PTPRD: variants seen among roughly 807,000 people sequenced by gnomAD.
PTPRD encodes receptor-type tyrosine-protein phosphatase delta.
Under a neutral mutation model 214.5 loss-of-function variants are expected in PTPRD, and 34 were observed. The ratio of observed to expected loss-of-function variants is 0.16; its 90% CI spans 0.12 to 0.21. The LOEUF (loss-of-function observed/expected upper bound fraction) is 0.21, where lower values mean the gene tolerates loss of function less well. Ranked by LOEUF, PTPRD falls within the 10% of genes least tolerant of loss-of-function variation. PTPRD has a pLI of 1.00. For missense variants in PTPRD, 2,545 were observed against 2,398.7 expected (o/e 1.06, Z -1.27); for synonymous variants, 1,128 against 845.7 (o/e 1.33, Z -5.79).
At chr9:9,500,855 C>A (rs1031661310) in intron 8 of PTPRD, among the ~76,000 whole-genome samples, 3 of 151,860 alleles carry the variant, frequency 2.0e-5, no homozygotes, top group East Asian at 1.9e-4. Flanking sequence ...TTGATCAAAG[C>A]ACAACGGATG....
chr9:9,839,801 T>C (rs1176284133), intron 5 of PTPRD, among the ~76,000 whole-genome samples: 1 of 152,044 alleles, frequency 6.6e-6, no homozygotes, highest in Non-Finnish European at 1.5e-5. Flanking sequence ...GATTTCAAAC[T>C]TGCTGCATTT....
chr9:10,250,109 G>C (rs1178442555), intron 3 of PTPRD, among the ~76,000 whole-genome samples: 2 of 152,050 alleles, frequency 1.3e-5, no homozygotes, highest in East Asian at 1.9e-4. Flanking sequence ...AAAGTACTTA[G>C]TATGTATTAT....
intron 8 of PTPRD, among the ~76,000 whole-genome samples, chr9:9,463,075 C>T (rs932771092): frequency 2.0e-5 from 3 of 150,828 alleles, no homozygotes; most frequent in African/African-American, 5.0e-5. Flanking sequence ...CACCTAGTTT[C>T]GAAGAGACTA....
chr9:9,354,704 C>G (rs2053011149), intron 9 of PTPRD, among the ~76,000 whole-genome samples: 1 of 151,624 alleles, frequency 6.6e-6, no homozygotes, highest in Non-Finnish European at 1.5e-5. Context: ...GTAAAGGTAT[C>G]AGGGTAAGAA....
intron 3 of PTPRD, among the ~76,000 whole-genome samples, chr9:10,339,935 T>C (rs1443238132): frequency 1.3e-5 from 2 of 151,816 alleles, no homozygotes; most frequent in African/African-American, 4.8e-5. Flanking sequence ...AAATAACACC[T>C]TATTCTTCAT....
chr9:10,418,403 T>G (rs1239404912), intron 2 of PTPRD, among the ~76,000 whole-genome samples: 4 of 150,344 alleles, frequency 2.7e-5, no homozygotes, highest in African/African-American at 9.8e-5. Flanking sequence ...TTCTCTCTAC[T>G]AGTGGGGCCT....
intron 11 of PTPRD, among the ~76,000 whole-genome samples, chr9:8,831,232 C>A (rs1185339617): frequency 2.0e-5 from 3 of 152,184 alleles, no homozygotes; most frequent in Non-Finnish European, 2.9e-5. Context: ...CATTCCTGCA[C>A]TTGTTTCAGA....
chr9:10,153,254 A>G (rs2099072943), intron 3 of PTPRD, among the ~76,000 whole-genome samples: 1 of 152,084 alleles, frequency 6.6e-6, no homozygotes, highest in African/African-American at 2.4e-5. Flanking sequence ...ACATCACAAT[A>G]TCACATTGTA....
chr9:9,503,993 C>G (rs1814178214), intron 8 of PTPRD, among the ~76,000 whole-genome samples: 1 of 151,662 alleles, frequency 6.6e-6, no homozygotes, highest in Non-Finnish European at 1.5e-5. Context: ...ATTATGTAAT[C>G]CTTCTCATTA....
chr9:9,325,609 T>G (rs1969630379), intron 9 of PTPRD, among the ~76,000 whole-genome samples: 1 of 152,154 alleles, frequency 6.6e-6, no homozygotes, highest in Non-Finnish European at 1.5e-5. Flanking sequence ...CAATGGGGTT[T>G]TCTAGATATA....
At chr9:10,304,906 T>G (rs2154410430) in intron 3 of PTPRD, among the ~76,000 whole-genome samples, 1 of 152,266 alleles carries the variant, frequency 6.6e-6, no homozygotes, top group Admixed American at 6.5e-5. Flanking sequence ...GGAAAAAAAC[T>G]ACTTTAAAGT....
intron 11 of PTPRD, among the ~76,000 whole-genome samples, chr9:8,883,003 A>G (rs905039117): frequency 3.9e-5 from 6 of 152,118 alleles, no homozygotes; most frequent in Non-Finnish European, 5.9e-5. Context: ...TTGCACATAC[A>G]TTGCATACCC....
intron 7 of PTPRD, among the ~76,000 whole-genome samples, chr9:9,698,010 C>A (rs1233718860): frequency 6.6e-6 from 1 of 152,092 alleles, no homozygotes; most frequent in Non-Finnish European, 1.5e-5. Context: ...TTAATTATTT[C>A]TCTGTTAAAT....
At chr9:9,395,657 C>T (rs938272012) in intron 9 of PTPRD, among the ~76,000 whole-genome samples, 1 of 152,034 alleles carries the variant, frequency 6.6e-6, no homozygotes, top group Admixed American at 6.6e-5. Flanking sequence ...TTCATGGTTA[C>T]TAACCAAACC....
chr9:8,352,745 T>C (rs546918969), intron 39 of PTPRD, among the ~76,000 whole-genome samples: 12 of 152,334 alleles, frequency 7.9e-5, no homozygotes, highest in African/African-American at 2.6e-4. Flanking sequence ...TTGTAAGGCA[T>C]ATCATTTTCC....
chr9:8,785,386 G>A (rs940325590), intron 11 of PTPRD, among the ~76,000 whole-genome samples: 2 of 152,052 alleles, frequency 1.3e-5, no homozygotes, highest in Non-Finnish European at 2.9e-5. Flanking sequence ...AGCTACAAAG[G>A]CAAAAGAACA....
chr9:8,329,800 T>C (rs149218722), intron 44 of PTPRD, among the ~76,000 whole-genome samples: 1 of 152,176 alleles, frequency 6.6e-6, no homozygotes, highest in East Asian at 1.9e-4. Context: ...GCTGGCTTTG[T>C]TTACACTGTG....
At chr9:8,927,087 A>G (rs1411739153) in intron 11 of PTPRD, among the ~76,000 whole-genome samples, 2 of 152,142 alleles carry the variant, frequency 1.3e-5, no homozygotes, top group African/African-American at 4.8e-5. Context: ...GCAAGTTAGT[A>G]GCTACATTTT....
At chr9:9,091,498 G>T (rs2099775811) in intron 10 of PTPRD, among the ~76,000 whole-genome samples, 1 of 152,068 alleles carries the variant, frequency 6.6e-6, no homozygotes, top group Admixed American at 6.6e-5. Context: ...GCTTCAATAT[G>T]GACATTTGTC....
Sources: allele counts gnomAD v4.1 joint callset (sites outside exome capture counted in the v4.1 genomes callset), GRCh38; gene constraint gnomAD v4.1.1; transcripts MANE v1.5; gene names NCBI Gene and HGNC (gene_info 2026-07-23, HGNC 2026-07-21).